Variants in ZNF778 observed in about 807,000 individuals in gnomAD.
ZNF778 encodes the protein zinc finger protein 778.
ZNF778 carries 37 observed loss-of-function variants against 23.9 expected under a neutral mutation model. The observed-to-expected ratio is 1.54, with a 90% confidence interval of 1.19 to 2.03. The LOEUF is 2.03. Among genes scored for constraint, ZNF778 ranks in the 30% most tolerant of loss-of-function variants. The probability of loss-of-function intolerance (pLI) is 0.00; values close to 1 mark genes in which losing one functional copy is unlikely to be tolerated. For missense variants in ZNF778, 1,297 were observed against 934.4 expected (o/e 1.39, Z -5.06); for synonymous variants, 483 against 343.9 (o/e 1.40, Z -4.48).
At chr16:89,220,975 G>A (rs2030875626) in intron 1 of ZNF778, 22 bp from the exon 2 acceptor site, 1 of 766,150 alleles carries the variant, frequency 1.3e-6, no homozygotes, top group Non-Finnish European at 2.1e-6. Context: ...GGGAAGTAAT[G>A]CTTCTTCATC....
Position 89,235,931 on chromosome 16 carries a change from G to C in ZNF778, c.*7369G>C, listed in dbSNP as rs1250669648. 6.6e-6 allele frequency: 1 copy of C among 151,462 alleles called. No individual in the cohort carries two copies. The highest frequency in any genetic ancestry group is 1.5e-5 in the Non-Finnish European group (1 of 67,966). The allele number at this position is 151,462 out of a possible 1,614,324, so 9.4% of individuals were successfully genotyped here. A position where few individuals can be genotyped will look rare whatever the true frequency, so the allele number is the denominator to read the frequency against. ...CCCAGCACTTTGGGAGGCCGAGGTG[G>C]GCGGATCACAAGGTCAGGAGATCAT... On this transcript the variant is annotated 3_prime_UTR_variant, in exon 7 of 7. Transcript: ENST00000433976.
intron 4 of ZNF778, among the ~76,000 whole-genome samples, chr16:89,224,110 C>G (rs568719132): frequency 1.1e-4 from 16 of 151,634 alleles, no homozygotes; most frequent in Non-Finnish European, 2.1e-4. Flanking sequence ...AATCCGAGCA[C>G]TCTGGGAGGC....
chr16:89,230,561 A>G lies in ZNF778; in HGVS notation c.*1999A>G, dbSNP rs1169434795. On this transcript the variant is annotated 3_prime_UTR_variant, in exon 7 of 7. Transcript: ENST00000433976. ...TGCTGCTCCTTTGTGTACCATGAAAACAGACCAGGGACACGGCTGGTCCTG... is the reference window on the plus strand; with the variant it reads ...TGCTGCTCCTTTGTGTACCATGAAAGCAGACCAGGGACACGGCTGGTCCTG... The G allele has an allele frequency of 6.6e-6, 1 of 152,166 alleles. No homozygotes were observed. The highest frequency in any genetic ancestry group is 2.4e-5 in the African/African-American group (1 of 41,428). The allele number at this position is 152,166 out of a possible 1,614,324, so 9.4% of individuals were successfully genotyped here.
chr16:89,224,506 C>G (rs972068320), intron 4 of ZNF778: 4 of 452,832 alleles, frequency 8.8e-6, no homozygotes, highest in Admixed American at 6.6e-5. Flanking sequence ...ATAGTCCCAG[C>G]TACTTAGGAG....
rs1205673633 is a variant in ZNF778, at chr16:89,234,967, C to T, written c.*6405C>T. ...TTTGGCATACTCAAATTTATACAAC[C>T]TTTCCTTTATCTTCATCAGAAATTT... On this transcript the variant is annotated 3_prime_UTR_variant, in exon 7 of 7. Coordinates refer to ENST00000433976, the MANE Select transcript of ZNF778 (RefSeq NM_001201407.2). 6.6e-6 allele frequency: 1 copy of T among 152,082 alleles called. No homozygotes were observed. 9.4% of individuals were successfully genotyped at this position (152,082 alleles called of 1,614,324 possible). A position where few individuals can be genotyped will look rare whatever the true frequency, so the allele number is the denominator to read the frequency against.
In ZNF778 at chr16:89,225,579, C is replaced by G. The variant is rs2031404990; in HGVS notation, c.353C>G (p.Pro118Arg). The G allele has an allele frequency of 1.9e-6, 3 of 1,612,342 alleles. No homozygotes were observed. The highest frequency in any genetic ancestry group is 2.5e-6 in the Non-Finnish European group (3 of 1,178,996). ...LQEWRLKTKG[P>R]ALRQDRSWFR... ...GAATGGCGACTTAAAACCAAAGGGC[C>G]AGCACTTCGGCAGGATAGATCTTGG... The change falls in exon 6 of 7, where the codon CCA (proline) becomes CGA (arginine). Residue 118 changes from proline (P) to arginine (R), a missense_variant. Pro to Arg is a moderately radical substitution (Grantham distance 103, BLOSUM62 -2). Coordinates refer to ENST00000433976, the MANE Select transcript of ZNF778 (RefSeq NM_001201407.2).
At position 89,234,352 on chromosome 16, in the gene ZNF778, G is replaced by T. The variant is rs1304706381; in HGVS notation, c.*5790G>T. 1 of 298,360 alleles carries T rather than the reference G, an allele frequency of 3.4e-6. No homozygotes were observed. The highest frequency in any genetic ancestry group is 8.6e-5 in the East Asian group (1 of 11,576). 18.5% of individuals were successfully genotyped at this position (298,360 alleles called of 1,614,324 possible). On this transcript the variant is annotated 3_prime_UTR_variant, in exon 7 of 7. Coordinates refer to ENST00000433976, the MANE Select transcript of ZNF778 (RefSeq NM_001201407.2). ...TCTACTCGTTCAACCTTCTTAGGGA[G>T]TGACGTTTTTTCCAAAGTGGTTGTG...
At chr16:89,223,341 C>G (rs1948001875) in intron 4 of ZNF778, 58 bp downstream of exon 4, 2 of 1,607,128 alleles carry the variant, frequency 1.2e-6, no homozygotes, top group South Asian at 1.1e-5. Context: ...TGTGTCCTTA[C>G]TGTGTTCCAG....
At position 89,221,064 on chromosome 16, in the gene ZNF778, G is replaced by A; in HGVS notation, c.-64G>A. 1 of 1,542,434 alleles carries A rather than the reference G, an allele frequency of 6.5e-7. No homozygotes were observed. Among genetic ancestry groups the A allele is most frequent in the Non-Finnish European group, 8.8e-7 (1 of 1,138,832 alleles). On this transcript the variant is annotated 5_prime_UTR_variant, in exon 2 of 7. Transcript: ENST00000433976. ...CTGTACCTTCCACATAGATTCACAA[G>A]CTGCCCTGCAGTGGCCTTGGCTTCA...
chr16:89,228,492 G>A lies in ZNF778; in HGVS notation c.2204G>A (p.Gly735Glu). 2 of 1,609,322 alleles carry A rather than the reference G, an allele frequency of 1.2e-6. No individual in the cohort carries two copies. Among genetic ancestry groups the A allele is most frequent in the Non-Finnish European group, 1.7e-6 (2 of 1,178,652 alleles). Residue 735 changes from glycine (G) to glutamate (E), a missense_variant, in exon 7 of 7, where the codon GGA becomes GAA. Gly to Glu is a moderately conservative substitution (Grantham distance 98). Coordinates refer to ENST00000433976, the MANE Select transcript of ZNF778 (RefSeq NM_001201407.2). ...CAGGTTTTTGTATGTAAGGACTGTG[G>A]AAAATCTTTTAAGAATTCCTCATGC... The part of the protein sequence containing the change: ...EEQVFVCKDC[G>E]KSFKNSSCLN...
rs920562771 is a variant in ZNF778 at position 89,227,464 on chromosome 16, C to T, written c.1176C>T (p.Pro392=). ...EHGKTHTREK[P]FACVVCGKYF... The stretch of plus-strand genomic sequence containing the variant: ...GAAAAACTCACACGAGGGAGAAGCC[C>T]TTTGCATGTGTGGTTTGCGGAAAAT... Residue 392 remains proline, a synonymous_variant, in exon 7 of 7, where the codon CCC becomes CCT. Coordinates refer to ENST00000433976, the MANE Select transcript of ZNF778 (RefSeq NM_001201407.2). 4.3e-6 allele frequency: 7 copies of T among 1,613,646 alleles called. No homozygotes were observed. The African/African-American group carries it at 9.4e-5, about 22-fold the overall frequency.
At chr16:89,225,941 C>G (rs1029824324) in intron 6 of ZNF778, among the ~76,000 whole-genome samples, 1 of 145,294 alleles carries the variant, frequency 6.9e-6, no homozygotes, top group Non-Finnish European at 1.5e-5. Flanking sequence ...GAGATGAAGT[C>G]TCACTCCATC....
chr16:89,220,614 C>T (rs965551453), intron 1 of ZNF778, among the ~76,000 whole-genome samples: 3 of 152,106 alleles, frequency 2.0e-5, no homozygotes, highest in Non-Finnish European at 4.4e-5. Flanking sequence ...GCCGAGATTG[C>T]GCCACTACAC....
rs371536761 is a variant in ZNF778, at chr16:89,228,498, C to A, written c.2210C>A (p.Ser737Tyr). The change falls in exon 7 of 7, where the codon TCT (serine) becomes TAT (tyrosine). Residue 737 changes from serine to tyrosine, a missense_variant. Ser to Tyr is a moderately radical substitution (Grantham distance 144, BLOSUM62 -2). Transcript: ENST00000433976. ...TTTGTATGTAAGGACTGTGGAAAAT[C>A]TTTTAAGAATTCCTCATGCCTTAAC... ...QVFVCKDCGK[S>Y]FKNSSCLNHH... is the part of the protein sequence containing the mutation. The A allele has an allele frequency of 1.2e-5, 19 of 1,608,684 alleles. No individual in the cohort carries two copies. Among genetic ancestry groups the A allele is most frequent in the Non-Finnish European group, 1.5e-5 (18 of 1,178,438 alleles).
At chr16:89,221,457 A>C (rs8059397) in intron 2 of ZNF778, among the ~76,000 whole-genome samples, 15,674 of 152,152 alleles carry the variant, frequency 0.1, 1,106 homozygotes, top group African/African-American at 0.2. Flanking sequence ...GGCATAGCTC[A>C]CAAACATTTT....
Position 89,227,872 on chromosome 16 carries a change from C to G in ZNF778, c.1584C>G (p.Thr528=). ...SGLTKHMRTH[T]GEKPYECKDC... is the part of the protein sequence containing the mutation. ...TCACTAAACACATGCGGACACACAC[C>G]GGGGAGAAGCCCTATGAATGTAAGG... Residue 528 remains threonine, a synonymous_variant, in exon 7 of 7, where the codon ACC becomes ACG. Transcript: ENST00000433976. The G allele has an allele frequency of 6.2e-7, 1 of 1,609,152 alleles. No individual in the cohort carries two copies. The highest frequency in any genetic ancestry group is 8.5e-7 in the Non-Finnish European group (1 of 1,178,076).
Position 89,233,587 on chromosome 16 carries a change from C to T in ZNF778, c.*5025C>T, listed in dbSNP as rs112485410. ...AACTCAGCTCGCACTGCATATGCAA[C>T]GCAACTCAACTCATACTGCATATGC... On this transcript the variant is annotated 3_prime_UTR_variant, in exon 7 of 7. Coordinates refer to ENST00000433976, the MANE Select transcript of ZNF778 (RefSeq NM_001201407.2). 245 of 1,132,418 alleles carry T rather than the reference C, an allele frequency of 2.2e-4. 1 individual carries two copies. The highest frequency in any genetic ancestry group is 1.0e-3 in the African/African-American group (62 of 62,162). 70.1% of individuals were successfully genotyped at this position (1,132,418 alleles called of 1,614,324 possible). A position where few individuals can be genotyped will look rare whatever the true frequency, so the allele number is the denominator to read the frequency against.
rs893419223 is a variant in ZNF778 at position 89,228,138 on chromosome 16, A to G, written c.1850A>G (p.Tyr617Cys). The change falls in exon 7 of 7, where the codon TAT (tyrosine) becomes TGT (cysteine). Residue 617 changes from tyrosine (Y) to cysteine (C), a missense_variant. Transcript: ENST00000433976. ...HIRTHTGEKP[Y>C]ECKVCGKAFT... ...CGAACTCACACTGGAGAGAAACCTT[A>G]TGAATGTAAAGTATGCGGAAAGGCC... 10 of 1,613,380 alleles carry G rather than the reference A, an allele frequency of 6.2e-6. No homozygotes were observed. Among genetic ancestry groups the G allele is most frequent in the South Asian group, 4.4e-5 (4 of 91,044 alleles).
At chr16:89,225,370 C>T (rs2031380423) in intron 5 of ZNF778, among the ~76,000 whole-genome samples, 185 bp from the exon 6 acceptor site, 1 of 152,044 alleles carries the variant, frequency 6.6e-6, no homozygotes, top group African/African-American at 2.4e-5. Flanking sequence ...CACATTTCTT[C>T]TTTATGGACC....
Sources: gnomAD v4.1 joint callset for allele counts (sites outside exome capture counted in the v4.1 genomes callset) on GRCh38, gnomAD v4.1.1 for gene constraint, MANE v1.5 for transcripts, NCBI Gene and HGNC (gene_info 2026-07-23, HGNC 2026-07-21) for gene names.